The following LPP variants were observed in gnomAD, a reference collection of about 807,000 sequenced individuals.
LPP encodes lipoma-preferred partner.
Under a neutral mutation model 60.4 loss-of-function variants are expected in LPP, and 38 were observed. The ratio of observed to expected loss-of-function variants is 0.63; its 90% CI spans 0.49 to 0.83. The LOEUF is 0.83. Ranked by LOEUF, LPP falls within the 40% of genes least tolerant of loss-of-function variation. The pLI is 0.00. For synonymous variants in LPP, 328 were observed against 290.8 expected, an observed-to-expected ratio of 1.13 and a Z score of -1.30; for missense variants, 902 against 783.6, an observed-to-expected ratio of 1.15 and a Z score of -1.80.
chr3:188,472,299 A>G (rs548370880), intron 4 of LPP, among the ~76,000 whole-genome samples: 3 of 152,314 alleles, frequency 2.0e-5, no homozygotes, highest in Admixed American at 6.5e-5. Flanking sequence ...TTTTAATACA[A>G]TATAAATCCA....
chr3:188,406,137 G>A lies in LPP; in HGVS notation c.17G>A (p.Trp6Ter). Residue 6 changes from tryptophan to a stop codon, truncating the protein, a stop_gained, in exon 4 of 12, where the codon TGG (tryptophan) becomes TAG (stop). Coordinates refer to ENST00000617246, the MANE Select transcript of LPP (RefSeq NM_001375462.1). LOFTEE classifies it high-confidence loss of function. ...ATTCCAACAATGTCTCACCCATCTT[G>A]GCTGCCACCCAAAAGCACTGGTGAG... is the stretch of plus-strand genomic sequence containing the variant. MSHPS[W>*]LPPKSTGEPL... The A allele has an allele frequency of 6.2e-7, 1 of 1,612,310 alleles. No homozygotes were observed. The highest frequency in any genetic ancestry group is 8.5e-7 in the Non-Finnish European group (1 of 1,179,310).
At chr3:188,332,935 A>C (rs1760549243) in intron 2 of LPP, among the ~76,000 whole-genome samples, 1 of 107,870 alleles carries the variant, frequency 9.3e-6, no homozygotes, top group South Asian at 3.2e-4. Context: ...AGTTGCATGC[A>C]TGCCATATTT....
intron 2 of LPP, chr3:188,312,835 G>A (rs1487824792): frequency 6.6e-6 from 1 of 152,046 alleles, no homozygotes; most frequent in Non-Finnish European, 1.5e-5. Context: ...TCCTTTGTAG[G>A]GACATGGATG....
intron 9 of LPP, among the ~76,000 whole-genome samples, chr3:188,779,306 A>G (rs114520554): frequency 3.5e-4 from 53 of 152,290 alleles, no homozygotes; most frequent in Non-Finnish European, 5.6e-4. Context: ...AGTGGATGCT[A>G]TGGACCATGG....
chr3:188,451,980 G>A (rs983377287), intron 4 of LPP, among the ~76,000 whole-genome samples: 2 of 152,188 alleles, frequency 1.3e-5, no homozygotes, highest in Non-Finnish European at 2.9e-5. Flanking sequence ...CGAAAAAATA[G>A]GTAAGGGGCT....
At chr3:188,159,853 T>C (rs1717662827) in intron 1 of LPP, among the ~76,000 whole-genome samples, 1 of 152,188 alleles carries the variant, frequency 6.6e-6, no homozygotes, top group Non-Finnish European at 1.5e-5. Context: ...CACAGACAGG[T>C]GGTCTGGAAC....
intron 1 of LPP, among the ~76,000 whole-genome samples, chr3:188,211,757 A>G (rs1220327438): frequency 6.6e-6 from 1 of 151,696 alleles, no homozygotes; most frequent in East Asian, 1.9e-4. Flanking sequence ...CTCATGCCAA[A>G]TTACATTCTC....
intron 7 of LPP, among the ~76,000 whole-genome samples, chr3:188,698,499 G>C (rs62290048): frequency 6.6e-6 from 1 of 151,688 alleles, no homozygotes; most frequent in African/African-American, 2.4e-5. Context: ...GAGAAAACTC[G>C]CTTTCTCCTT....
At chr3:188,534,203 G>A (rs933851839) in intron 6 of LPP, among the ~76,000 whole-genome samples, 4 of 152,170 alleles carry the variant, frequency 2.6e-5, no homozygotes, top group Non-Finnish European at 5.9e-5. Context: ...CATGGGAGGG[G>A]GTTGTCTTCT....
intron 4 of LPP, among the ~76,000 whole-genome samples, chr3:188,461,065 C>T (rs1042688456): frequency 6.6e-6 from 1 of 152,096 alleles, no homozygotes; most frequent in Non-Finnish European, 1.5e-5. Context: ...TAGAAATATG[C>T]CAGAATACAG....
At chr3:188,222,418 A>G (rs1410072455) in intron 1 of LPP, among the ~76,000 whole-genome samples, 2 of 152,160 alleles carry the variant, frequency 1.3e-5, no homozygotes, top group African/African-American at 4.8e-5. Flanking sequence ...TTTGTGCCAT[A>G]CGTGCTAGAT....
At chr3:188,473,522 C>T (rs1243345100) in intron 4 of LPP, among the ~76,000 whole-genome samples, 2 of 152,108 alleles carry the variant, frequency 1.3e-5, no homozygotes, top group Admixed American at 6.6e-5. Context: ...GTCTGGGTCC[C>T]GACCCCAAAG....
At chr3:188,274,415 G>C (rs186057547) in intron 2 of LPP, among the ~76,000 whole-genome samples, 1 of 152,162 alleles carries the variant, frequency 6.6e-6, no homozygotes, top group African/African-American at 2.4e-5. Context: ...ATTTATTTTT[G>C]TACCTCTTTC....
intron 1 of LPP, among the ~76,000 whole-genome samples, chr3:188,164,789 A>G (rs1022572379): frequency 2.0e-5 from 3 of 152,190 alleles, no homozygotes; most frequent in African/African-American, 7.2e-5. Context: ...ACAGGACCCT[A>G]AAGATAACAT....
intron 1 of LPP, among the ~76,000 whole-genome samples, chr3:188,214,848 G>C (rs1326176226): frequency 2.0e-5 from 3 of 152,208 alleles, no homozygotes; most frequent in Admixed American, 6.5e-5. Context: ...AATAAGGACA[G>C]CTGACAAGCA....
intron 6 of LPP, among the ~76,000 whole-genome samples, chr3:188,559,157 A>C (rs2150636008): frequency 6.6e-6 from 1 of 152,194 alleles, no homozygotes; most frequent in Non-Finnish European, 1.5e-5. Flanking sequence ...CTTGCAGCCA[A>C]GCATCCTAGA....
intron 6 of LPP, among the ~76,000 whole-genome samples, chr3:188,592,499 C>T (rs989554655): frequency 2.4e-4 from 36 of 151,028 alleles, no homozygotes; most frequent in Non-Finnish European, 1.0e-4. Flanking sequence ...CTTTATTAAC[C>T]TTGTTATTAC....
chr3:188,749,204 G>A (rs921789279), intron 8 of LPP, among the ~76,000 whole-genome samples: 21 of 152,150 alleles, frequency 1.4e-4, no homozygotes, highest in Non-Finnish European at 2.4e-4. Context: ...AGGCAACAGC[G>A]CCTACTAGTG....
chr3:188,762,853 G>A (rs1326797659), intron 9 of LPP, among the ~76,000 whole-genome samples: 3 of 151,592 alleles, frequency 2.0e-5, no homozygotes, highest in African/African-American at 7.3e-5. Context: ...ACTCTAAAAT[G>A]TAATTTAATT....
Sources: allele counts gnomAD v4.1 joint callset (sites outside exome capture counted in the v4.1 genomes callset), GRCh38; gene constraint gnomAD v4.1.1; transcripts MANE v1.5; gene names NCBI Gene and HGNC (gene_info 2026-07-23, HGNC 2026-07-21).